Variants in PDE1C observed in about 807,000 individuals in gnomAD.
The protein encoded by PDE1C is phosphodiesterase 1C, also known as dual specificity calcium/calmodulin-dependent 3',5'-cyclic nucleotide phosphodiesterase 1C.
In PDE1C, 62 loss-of-function variants were observed where a neutral mutation model predicts 93.1. The observed-to-expected ratio is 0.67, with a 90% CI of 0.54 to 0.82. The LOEUF (loss-of-function observed/expected upper bound fraction) is 0.82, where lower values mean the gene tolerates loss of function less well. Ranked by LOEUF, PDE1C falls within the 40% of genes least tolerant of loss-of-function variation. The pLI is 0.00. For missense variants in PDE1C, 742 were observed against 884.6 expected (o/e 0.84, Z 2.04); for synonymous variants, 325 against 310.1 (o/e 1.05, Z -0.50).
intron 2 of PDE1C, among the ~76,000 whole-genome samples, chr7:31,987,987 T>G (rs2129070194): frequency 6.6e-6 from 1 of 152,342 alleles, no homozygotes; most frequent in South Asian, 2.1e-4. Flanking sequence ...GTTGAGTTTC[T>G]GTTGGAGGCA....
chr7:31,658,560 G>T, the PDE1C span: 1 of 417,786 alleles, frequency 2.4e-6, no homozygotes, highest in Non-Finnish European at 4.0e-6. Flanking sequence ...ATTTCAAATT[G>T]TAATTTAAAA....
At chr7:31,720,696 G>C in the PDE1C span, among the ~76,000 whole-genome samples, 1 of 152,186 alleles carries the variant, frequency 6.6e-6, no homozygotes, top group African/African-American at 2.4e-5. Context: ...TTCATAATTT[G>C]TAACTGTGTA....
At chr7:31,779,183 G>A (rs1188304507) in intron 16 of PDE1C, among the ~76,000 whole-genome samples, 1 of 152,192 alleles carries the variant, frequency 6.6e-6, no homozygotes. Context: ...GGAACACCTT[G>A]TGTGGTAGAA....
chr7:32,303,042 G>A (rs1293875495), upstream of PDE1C, among the ~76,000 whole-genome samples: 1 of 152,194 alleles, frequency 6.6e-6, no homozygotes, highest in East Asian at 1.9e-4. Context: ...TCCTTTGGCT[G>A]TAATTGATAG....
At chr7:32,311,227 T>C (rs1490399771) in intron 1 of PDE1C, among the ~76,000 whole-genome samples, 6 of 152,202 alleles carry the variant, frequency 3.9e-5, no homozygotes, top group African/African-American at 1.4e-4. Flanking sequence ...TCTGAATAGA[T>C]GAATAACAGG....
At chr7:32,133,845 A>G (rs946518593) in intron 3 of PDE1C, among the ~76,000 whole-genome samples, 1 of 152,132 alleles carries the variant, frequency 6.6e-6, no homozygotes, top group Non-Finnish European at 1.5e-5. Flanking sequence ...AAAAAGTTGA[A>G]AGCAGCTATT....
At chr7:32,051,381 C>T (rs1366813201) in intron 2 of PDE1C, among the ~76,000 whole-genome samples, 173 bp downstream of exon 2, 1 of 152,132 alleles carries the variant, frequency 6.6e-6, no homozygotes, top group Non-Finnish European at 1.5e-5. Context: ...TCACTAGATG[C>T]CTGCAATCAA....
At position 32,198,081 on chromosome 7, in the gene PDE1C, C is replaced by G. The variant is rs1804744203; in HGVS notation, c.136+11408G>C. 2.0e-5 allele frequency among the ~76,000 whole-genome samples: 3 copies of G among 152,082 alleles called. No individual in the cohort carries two copies. In the South Asian group the frequency reaches 6.2e-4, roughly 32 times the overall value. On this transcript the variant is annotated intron_variant, in intron 2 of 18. Coordinates refer to the PDE1C transcript ENST00000396193. ...ATGGTTAGTCCTTGTATCCTATATT[C>G]ATTCTTCTTTCTGGATTCAACAGTC...
intron 1 of PDE1C, among the ~76,000 whole-genome samples, chr7:32,419,650 C>G (rs1785348859): frequency 5.9e-5 from 9 of 152,188 alleles, no homozygotes; most frequent in Admixed American, 5.9e-4. Context: ...CTTCGGCTCC[C>G]TCCTTCTGGG....
chr7:32,214,283 G>C (rs988032912), intron 1 of PDE1C, among the ~76,000 whole-genome samples: 8 of 151,984 alleles, frequency 5.3e-5, no homozygotes, highest in Non-Finnish European at 1.2e-4. Flanking sequence ...CAGAATTCAA[G>C]GCACCTGCCA....
chr7:32,266,874 G>C (rs1309324829), intron 1 of PDE1C, among the ~76,000 whole-genome samples: 1 of 141,406 alleles, frequency 7.1e-6, no homozygotes, highest in Non-Finnish European at 1.5e-5. Context: ...AAAGATTTCA[G>C]AGCTGCAATG....
intron 16 of PDE1C, among the ~76,000 whole-genome samples, chr7:31,793,101 G>C (rs1463631388): frequency 6.6e-6 from 1 of 151,988 alleles, no homozygotes; most frequent in Admixed American, 6.6e-5. Context: ...AGAAAAATGG[G>C]AGACGGACTT....
At chr7:31,730,823 G>A in the PDE1C span, among the ~76,000 whole-genome samples, 7 of 151,844 alleles carry the variant, frequency 4.6e-5, no homozygotes, top group Non-Finnish European at 8.8e-5. Flanking sequence ...GAAGTGAGTG[G>A]ATGGAAGAAA....
At position 32,146,381 on chromosome 7, in the gene PDE1C, G is replaced by A. The variant is rs150568083; in HGVS notation, c.308+23404C>T. Among the ~76,000 whole-genome samples, 202 of 152,194 alleles carry A rather than the reference G, an allele frequency of 1.3e-3. 1 individual carries two copies. In the Middle Eastern group the frequency reaches 0.017, roughly 13 times the overall value. ...AAAATCACAGTGTTGGCAGTGCCTCGCAGAGGAGGACCCATTCCTTTCCTT... is the reference window on the plus strand; with the variant it reads ...AAAATCACAGTGTTGGCAGTGCCTCACAGAGGAGGACCCATTCCTTTCCTT... On this transcript the variant is annotated intron_variant, in intron 3 of 18. Coordinates refer to the PDE1C transcript ENST00000396193.
the PDE1C span, among the ~76,000 whole-genome samples, chr7:31,622,775 A>T: frequency 1.3e-5 from 2 of 152,094 alleles, no homozygotes; most frequent in African/African-American, 2.4e-5. Flanking sequence ...AACTGAAGGA[A>T]ATAGAGACAC....
At chr7:31,755,793 A>C (rs1388493191) in intron 17 of PDE1C, among the ~76,000 whole-genome samples, 1 of 152,238 alleles carries the variant, frequency 6.6e-6, no homozygotes, top group Non-Finnish European at 1.5e-5. Flanking sequence ...AATAATTTAT[A>C]TACATATGCC....
intron 2 of PDE1C, among the ~76,000 whole-genome samples, chr7:32,192,753 C>A (rs1399791603): frequency 6.6e-6 from 1 of 152,014 alleles, no homozygotes; most frequent in Admixed American, 6.6e-5. Flanking sequence ...TGTGTTAAAT[C>A]TGCATATAAT....
At chr7:32,303,737 C>A (rs373700569), upstream of PDE1C, among the ~76,000 whole-genome samples, 3 of 152,086 alleles carry the variant, frequency 2.0e-5, no homozygotes, top group African/African-American at 7.2e-5. Flanking sequence ...TCTATTTCCA[C>A]AAAGGGGCAA....
intron 1 of PDE1C, among the ~76,000 whole-genome samples, chr7:32,067,800 A>C (rs984061144): frequency 6.6e-5 from 10 of 152,258 alleles, no homozygotes; most frequent in African/African-American, 2.4e-4. Flanking sequence ...TCCTAAATAT[A>C]TATTTATCTT....
Sources: gnomAD v4.1 joint callset for allele counts (sites outside exome capture counted in the v4.1 genomes callset) on GRCh38, gnomAD v4.1.1 for gene constraint, MANE v1.5 for transcripts, NCBI Gene and HGNC (gene_info 2026-07-23, HGNC 2026-07-21) for gene names.